The following CPE variants were observed in gnomAD, a reference collection of about 807,000 sequenced individuals.
CPE encodes the protein carbocypeptidase E.
A neutral mutation model predicts 53.5 loss-of-function variants in CPE; 17 were observed. The observed-to-expected ratio is 0.32, with a 90% CI of 0.22 to 0.48. The LOEUF (loss-of-function observed/expected upper bound fraction) is 0.48. CPE is among the 20% of genes least tolerant of loss of function. The probability of loss-of-function intolerance (pLI) is 0.99; values close to 1 mark genes in which losing one functional copy is unlikely to be tolerated. For synonymous variants in CPE, 226 were observed against 228.8 expected, an observed-to-expected ratio of 0.99 and a Z score of 0.11; for missense variants, 524 against 614.7, an observed-to-expected ratio of 0.85 and a Z score of 1.56.
intron 1 of CPE, among the ~76,000 whole-genome samples, chr4:165,399,580 C>T (rs914578837): frequency 2.0e-5 from 3 of 152,056 alleles, no homozygotes; most frequent in Non-Finnish European, 4.4e-5. Flanking sequence ...CCATGTTGGC[C>T]AGGCTGGTTT....
At chr4:165,463,591 A>G (rs1425839499) in intron 1 of CPE, among the ~76,000 whole-genome samples, 1 of 150,236 alleles carries the variant, frequency 6.7e-6, no homozygotes, top group Non-Finnish European at 1.5e-5. Flanking sequence ...ACAAAAACAT[A>G]GACGTTTAAG....
intron 1 of CPE, among the ~76,000 whole-genome samples, chr4:165,394,308 T>C (rs1314129838): frequency 6.6e-6 from 1 of 152,172 alleles, no homozygotes; most frequent in African/African-American, 2.4e-5. Flanking sequence ...TGAAAACTTA[T>C]TAGCAAAGAT....
At chr4:165,488,109 G>C (rs1484715124) in intron 6 of CPE, among the ~76,000 whole-genome samples, 1 of 152,044 alleles carries the variant, frequency 6.6e-6, no homozygotes, top group Non-Finnish European at 1.5e-5. Flanking sequence ...TATTTCCCAG[G>C]CATTATACTA....
intron 1 of CPE, chr4:165,405,542 G>C: frequency 1.1e-6 from 1 of 946,830 alleles, no homozygotes; most frequent in Admixed American, 1.7e-5. Flanking sequence ...CCTGACAAAT[G>C]GAATAGTCAT....
intron 5 of CPE, among the ~76,000 whole-genome samples, chr4:165,487,204 A>G (rs1239267888): frequency 6.6e-6 from 1 of 152,194 alleles, no homozygotes; most frequent in Non-Finnish European, 1.5e-5. Context: ...AGCACTCTGC[A>G]GCAGCAAATG....
intron 5 of CPE, among the ~76,000 whole-genome samples, chr4:165,485,945 GC>G (rs1256201855): frequency 6.6e-6 from 1 of 152,162 alleles, no homozygotes; most frequent in Non-Finnish European, 1.5e-5. Context: ...GGGAAGCAGG[GC>G]AAGGAAGGGG....
In CPE at chr4:165,497,775, T is replaced by C. The variant is rs1052019850; in HGVS notation, c.*165T>C. On this transcript the variant is annotated 3_prime_UTR_variant, in exon 9 of 9. Coordinates refer to ENST00000402744, the MANE Select transcript of CPE (RefSeq NM_001873.4). ...AAATAAATAGCCTCTTAGGTAAAAA[T>C]ATAAGAACTTGATATATTTCATTCT... The C allele has an allele frequency of 1.7e-5, 6 of 363,236 alleles. No homozygotes were observed. Among genetic ancestry groups the C allele is most frequent in the Admixed American group, 4.6e-5 (1 of 21,696 alleles). The allele number at this position is 363,236 out of a possible 1,614,324, so 22.5% of individuals were successfully genotyped here.
In CPE at chr4:165,422,933, T is replaced by C. The variant is rs541574645; in HGVS notation, c.308-41457T>C. On this transcript the variant is annotated intron_variant, in intron 1 of 8. Coordinates refer to ENST00000402744, the MANE Select transcript of CPE (RefSeq NM_001873.4). ...CGGAGCTTGCAGTGAGCCGAGATGG[T>C]GCCACTGCCCTCCAGCCTGGGCGAC... is the stretch of plus-strand genomic sequence containing the variant. 1.5e-3 allele frequency among the ~76,000 whole-genome samples: 197 copies of C among 132,322 alleles called. 1 individual carries two copies. Among genetic ancestry groups the C allele is most frequent in the African/African-American group, 5.4e-3 (182 of 33,980 alleles). The allele number at this position is 132,322 out of a possible 152,430, so 86.8% of individuals were successfully genotyped here.
At chr4:165,418,103 T>G (rs1731155040) in intron 1 of CPE, 1 of 152,190 alleles carries the variant, frequency 6.6e-6, no homozygotes, top group African/African-American at 2.4e-5. Context: ...AATAATAGAC[T>G]CAGGAATTTA....
rs1177467093 is a variant in CPE at position 165,379,980 on chromosome 4, T to C, written c.307+452T>C. ...TGCTGACAAGAGTAGAAAGATAAGG[T>C]GCAGAAGGCAGTGATTGAGAGGAAA... On this transcript the variant is annotated intron_variant, in intron 1 of 8. Transcript: ENST00000402744. The surrounding 1 kb of genome is among the most constrained non-coding windows in gnomAD (Gnocchi z 6.0). 6.6e-6 allele frequency among the ~76,000 whole-genome samples: 1 copy of C among 152,196 alleles called. No individual in the cohort carries two copies. Among genetic ancestry groups the C allele is most frequent in the Non-Finnish European group, 1.5e-5 (1 of 68,022 alleles).
intron 1 of CPE, among the ~76,000 whole-genome samples, chr4:165,426,181 T>C (rs972129590): frequency 2.0e-5 from 3 of 152,248 alleles, no homozygotes; most frequent in African/African-American, 7.2e-5. Flanking sequence ...TTCATATCTA[T>C]AAATACTGTT....
intron 1 of CPE, among the ~76,000 whole-genome samples, chr4:165,386,537 C>T (rs1481524715): frequency 1.1e-4 from 16 of 152,294 alleles, no homozygotes; most frequent in African/African-American, 2.4e-4. Flanking sequence ...TTTTCTTTTG[C>T]ATATGCTTAT....
intron 1 of CPE, among the ~76,000 whole-genome samples, chr4:165,447,793 T>G (rs1731743258): frequency 6.6e-6 from 1 of 152,064 alleles, no homozygotes; most frequent in Admixed American, 6.6e-5. Flanking sequence ...TTTTAAAAAT[T>G]TTTGTATTTT....
intron 1 of CPE, among the ~76,000 whole-genome samples, chr4:165,417,022 A>T (rs1731136813): frequency 6.6e-6 from 1 of 152,120 alleles, no homozygotes; most frequent in Non-Finnish European, 1.5e-5. Context: ...GTTAGGTTTT[A>T]TTTAGAAAGC....
chr4:165,473,764 G>A (rs931776175), intron 3 of CPE, among the ~76,000 whole-genome samples: 7 of 74,464 alleles, frequency 9.4e-5, no homozygotes, highest in Non-Finnish European at 1.7e-4. Context: ...GGCAGAATTT[G>A]GAGGAGAGTT....
At chr4:165,450,135 A>G (rs1731784108) in intron 1 of CPE, among the ~76,000 whole-genome samples, 1 of 152,132 alleles carries the variant, frequency 6.6e-6, no homozygotes, top group Non-Finnish European at 1.5e-5. Flanking sequence ...TATTTAGCAA[A>G]ACATCTTAAT....
Position 165,427,193 on chromosome 4 carries a change from C to CG in CPE, c.308-37197_308-37196insG, listed in dbSNP as rs1731335228. 3.3e-5 allele frequency among the ~76,000 whole-genome samples: 5 copies of CG among 152,158 alleles called. No individual in the cohort carries two copies. In the South Asian group the frequency reaches 1.0e-3, roughly 32 times the overall value. ...CTGCAGGCATGTCTTAGGCAAGCCC[C>CG]TTGTGCAAAATTATCTGTGCCTGCA... On this transcript the variant is annotated intron_variant, in intron 1 of 8. Transcript: ENST00000402744.
chr4:165,427,014 G>A (rs35186204), intron 1 of CPE, among the ~76,000 whole-genome samples: 44,982 of 152,124 alleles, frequency 0.3, 6,749 homozygotes, highest in Middle Eastern at 0.39. Flanking sequence ...AATTTCTGGT[G>A]GCTCCACCCC....
At chr4:165,454,627 C>A (rs911909398) in intron 1 of CPE, among the ~76,000 whole-genome samples, 2 of 152,176 alleles carry the variant, frequency 1.3e-5, no homozygotes, top group Non-Finnish European at 2.9e-5. Flanking sequence ...ATTACTTTTA[C>A]TCATTGTCTA....
Sources: allele counts gnomAD v4.1 joint callset (sites outside exome capture counted in the v4.1 genomes callset), GRCh38; gene constraint gnomAD v4.1.1; non-coding constraint Gnocchi (gnomAD v3.1); transcripts MANE v1.5; gene names NCBI Gene and HGNC (gene_info 2026-07-23, HGNC 2026-07-21).